Variants in ACLY observed in about 807,000 individuals in gnomAD.
The protein encoded by ACLY is ATP citrate lyase.
ACLY carries 41 observed loss-of-function variants against 133.0 expected under a neutral mutation model. The observed-to-expected ratio is 0.31, with a 90% CI of 0.24 to 0.40. The LOEUF is 0.40. Among genes scored for constraint, ACLY ranks in the 10% least tolerant of loss-of-function variants. The pLI is 1.00. For synonymous variants in ACLY, 495 were observed against 549.3 expected (o/e 0.90, Z 1.38); for missense variants, 1,046 against 1,453.8 (o/e 0.72, Z 4.56).
chr17:41,877,459 T>C (rs1242646015), intron 22 of ACLY, among the ~76,000 whole-genome samples: 1 of 151,124 alleles, frequency 6.6e-6, no homozygotes, highest in African/African-American at 2.4e-5. Flanking sequence ...TTTTTTTTTT[T>C]TTTAAATTAC....
intron 28 of ACLY, among the ~76,000 whole-genome samples, chr17:41,868,123 G>A (rs2048508096): frequency 6.6e-6 from 1 of 151,912 alleles, no homozygotes; most frequent in African/African-American, 2.4e-5. Flanking sequence ...AAATTTTAAA[G>A]GGAAAAAATA....
chr17:41,881,120 G>A (rs2048905280), intron 20 of ACLY, among the ~76,000 whole-genome samples: 1 of 151,754 alleles, frequency 6.6e-6, no homozygotes, highest in Non-Finnish European at 1.5e-5. Flanking sequence ...ATGGAGTTGG[G>A]GGAGAGCACT....
chr17:41,906,488 A>T, intron 8 of ACLY, 40 bp downstream of exon 8: 1 of 1,554,500 alleles, frequency 6.4e-7, no homozygotes. Context: ...GATGCTGGGT[A>T]GACTGGGCTG....
chr17:41,924,537 C>T (rs2050219651), intron 1 of ACLY, among the ~76,000 whole-genome samples: 1 of 152,074 alleles, frequency 6.6e-6, no homozygotes, highest in African/African-American at 2.4e-5. Context: ...CAGGAGCTTC[C>T]AGCAAAGCCC....
chr17:41,887,344 CAGG>C (rs2049080685), intron 17 of ACLY, among the ~76,000 whole-genome samples: 1 of 151,226 alleles, frequency 6.6e-6, no homozygotes, highest in Non-Finnish European at 1.5e-5. Flanking sequence ...GAGGCTGAGA[CAGG>C]AGAATCACTT....
In ACLY at chr17:41,868,906, G is replaced by A. The variant is rs1316221894; in HGVS notation, c.3135-121C>T. On this transcript the variant is annotated intron_variant, in intron 27 of 28. Transcript: ENST00000352035. Reference sequence around the variant, plus strand: ...GGGTGCTCTGGGTGGTAGCATTACAGGCAATTTTTGTTTTCTTCTTTATAC... The same window carrying A: ...GGGTGCTCTGGGTGGTAGCATTACAAGCAATTTTTGTTTTCTTCTTTATAC... 3.7e-6 allele frequency: 5 copies of A among 1,338,094 alleles called. No individual in the cohort carries two copies. The African/African-American group carries it at 7.3e-5, about 20-fold the overall frequency. The allele number at this position is 1,338,094 out of a possible 1,614,324, so 82.9% of individuals were successfully genotyped here.
Position 41,912,549 on chromosome 17 carries a change from C to T in ACLY, c.160-7G>A. ...CTGGCTTGACTACCAAGTTCTGGAA[C>T]AAAAGCGGTTTGTATTTAGAGTGAG... On this transcript the variant is annotated splice_region_variant and splice_polypyrimidine_tract_variant and intron_variant, in intron 2 of 28. Transcript: ENST00000352035. 1.2e-6 allele frequency: 2 copies of T among 1,614,022 alleles called. No individual in the cohort carries two copies.
At chr17:41,879,762 A>C (rs1184649686) in intron 20 of ACLY, among the ~76,000 whole-genome samples, 1 of 137,268 alleles carries the variant, frequency 7.3e-6, no homozygotes, top group Non-Finnish European at 1.5e-5. Context: ...CCAGTTCCCC[A>C]GGCTGGAATG....
intron 22 of ACLY, among the ~76,000 whole-genome samples, chr17:41,877,313 G>T (rs964493439): frequency 6.6e-6 from 1 of 151,568 alleles, no homozygotes; most frequent in East Asian, 1.9e-4. Flanking sequence ...GCTAATTTTT[G>T]TATTTTTTCA....
chr17:41,905,830 T>A (rs2049699533), intron 8 of ACLY, among the ~76,000 whole-genome samples, 172 bp from the exon 9 acceptor site: 1 of 152,162 alleles, frequency 6.6e-6, no homozygotes, highest in South Asian at 2.1e-4. Flanking sequence ...AGGTTAATGG[T>A]GCTACATCAG....
At chr17:41,879,406 C>T (rs2048846399) in intron 20 of ACLY, among the ~76,000 whole-genome samples, 1 of 149,502 alleles carries the variant, frequency 6.7e-6, no homozygotes, top group East Asian at 2.0e-4. Context: ...ACGCCTGCCC[C>T]CCCCGCCTTT....
chr17:41,870,736 A>C (rs2048576499), intron 25 of ACLY: 1 of 152,188 alleles, frequency 6.6e-6, no homozygotes, highest in Non-Finnish European at 1.5e-5. Context: ...TCCCAATCAG[A>C]TATGCCTTGA....
intron 23 of ACLY, among the ~76,000 whole-genome samples, chr17:41,873,060 C>G (rs1342688872): frequency 1.3e-5 from 2 of 152,182 alleles, no homozygotes; most frequent in Non-Finnish European, 2.9e-5. Context: ...CACTGGCTCC[C>G]CTGCCCAGCC....
intron 7 of ACLY, 130 bp downstream of exon 7, chr17:41,907,312 A>T: frequency 1.3e-6 from 1 of 741,928 alleles, no homozygotes; most frequent in Admixed American, 2.9e-5. Context: ...TAAGAAAATT[A>T]AATGCTTCTC....
At chr17:41,886,850 A>G (rs782185293) in intron 17 of ACLY, among the ~76,000 whole-genome samples, 1 of 152,142 alleles carries the variant, frequency 6.6e-6, no homozygotes, top group Non-Finnish European at 1.5e-5. Context: ...TCAGCCAGGC[A>G]TGGTGGCTCA....
intron 10 of ACLY, 199 bp downstream of exon 10, chr17:41,904,530 C>T (rs1433519937): frequency 6.8e-6 from 4 of 588,124 alleles, no homozygotes; most frequent in African/African-American, 1.9e-5. Flanking sequence ...GCTGCTTGCC[C>T]AGAGACACAC....
intron 26 of ACLY, 31 bp from the exon 27 acceptor site, chr17:41,869,156 T>TCA: frequency 1.3e-6 from 2 of 1,545,228 alleles, no homozygotes; most frequent in Non-Finnish European, 1.8e-6. Flanking sequence ...AAAGCATTTA[T>TCA]CATTATTTCT....
chr17:41,868,618 A>T, intron 28 of ACLY, 91 bp downstream of exon 28: 1 of 751,228 alleles, frequency 1.3e-6, no homozygotes. Flanking sequence ...AAAAAAAAGA[A>T]AGAAAAAGAA....
At chr17:41,878,985 TGTAAAGTGTGCTAAACAC>T in intron 20 of ACLY, 61 bp from the exon 21 acceptor site, 7 of 1,605,112 alleles carry the variant, frequency 4.4e-6, no homozygotes, top group Non-Finnish European at 6.0e-6. Flanking sequence ...TAGAATCCCA[TGTAAAGTGTGCTAAACAC>T]TTTACATGAA....
Sources: allele counts gnomAD v4.1 joint callset (sites outside exome capture counted in the v4.1 genomes callset), GRCh38; gene constraint gnomAD v4.1.1; transcripts MANE v1.5; gene names NCBI Gene and HGNC (gene_info 2026-07-23, HGNC 2026-07-21).